SMC4: variants seen among roughly 807,000 people sequenced by gnomAD.
The protein encoded by SMC4 is structural maintenance of chromosomes protein 4.
SMC4 carries 87 observed loss-of-function variants against 145.6 expected under a neutral mutation model. The ratio of observed to expected loss-of-function variants is 0.60; its 90% CI spans 0.50 to 0.71. The LOEUF (loss-of-function observed/expected upper bound fraction) is 0.71. SMC4 is among the 30% of genes least tolerant of loss of function. The pLI is 0.00. For synonymous variants in SMC4, 558 were observed against 500.7 expected (o/e 1.11, Z -1.53); for missense variants, 1,447 against 1,537.1 (o/e 0.94, Z 0.98).
At chr3:160,400,298 G>A (rs1714402508) in intron 1 of SMC4, 1 of 152,470 alleles carries the variant, frequency 6.6e-6, no homozygotes, top group Non-Finnish European at 1.5e-5. Flanking sequence ...AACGGCGCCA[G>A]GAGCTAAAGG....
chr3:160,403,601 C>T (rs1714961662), intron 4 of SMC4, among the ~76,000 whole-genome samples: 1 of 151,960 alleles, frequency 6.6e-6, no homozygotes, highest in Non-Finnish European at 1.5e-5. Flanking sequence ...ACAGAATCAT[C>T]TATTTTAATT....
chr3:160,405,495 C>T (rs988386226), intron 5 of SMC4, among the ~76,000 whole-genome samples: 1 of 151,938 alleles, frequency 6.6e-6, no homozygotes, highest in African/African-American at 2.4e-5. Context: ...CTGGATGTTC[C>T]TAATAACAAA....
chr3:160,402,718 A>G lies in SMC4; in HGVS notation c.361A>G (p.Asn121Asp), dbSNP rs1714839538. ...IIGPNGSGKS[N>D]VIDSMLFVFG... Reference sequence around the variant, plus strand: ...CGGGCCAAATGGCAGTGGCAAATCCAATGTTATTGATTCTATGCTTTTTGT... The same window carrying G: ...CGGGCCAAATGGCAGTGGCAAATCCGATGTTATTGATTCTATGCTTTTTGT... The change falls in exon 4 of 24, where the codon AAT becomes GAT. Residue 121 changes from asparagine to aspartate, a missense_variant. Transcript: ENST00000357388. The G allele has an allele frequency of 1.2e-6, 2 of 1,609,660 alleles. No individual in the cohort carries two copies. Among genetic ancestry groups the G allele is most frequent in the Non-Finnish European group, 1.7e-6 (2 of 1,178,984 alleles).
Position 160,433,836 on chromosome 3 carries a change from G to A in SMC4, c.*27G>A. On this transcript the variant is annotated 3_prime_UTR_variant, in exon 24 of 24. Transcript: ENST00000357388. ...CTTTATGCTGAAGATTCTTCAAGTT[G>A]ATTCAGTGTATTACTGATTTTTTTC... 1 of 1,570,950 alleles carries A rather than the reference G, an allele frequency of 6.4e-7. No homozygotes were observed. The highest frequency in any genetic ancestry group is 1.2e-5 in the South Asian group (1 of 84,714).
intron 8 of SMC4, 28 bp from the exon 9 acceptor site, chr3:160,414,339 A>C: frequency 6.4e-7 from 1 of 1,555,362 alleles, no homozygotes; most frequent in South Asian, 1.1e-5. Flanking sequence ...ATTCAAAATA[A>C]TGACTTACAA....
At chr3:160,407,764 GTAAT>G (rs1559992044) in intron 5 of SMC4, among the ~76,000 whole-genome samples, 2 of 152,052 alleles carry the variant, frequency 1.3e-5, no homozygotes, top group Admixed American at 1.3e-4. Flanking sequence ...AGTTTTTTCA[GTAAT>G]GCCTCAGTTT....
At chr3:160,419,810 A>C (rs1166213657) in intron 12 of SMC4, among the ~76,000 whole-genome samples, 1 of 152,028 alleles carries the variant, frequency 6.6e-6, no homozygotes, top group Admixed American at 6.5e-5. Flanking sequence ...CTTTTTTTTA[A>C]AAGAGAGACT....
chr3:160,417,619 A>G, intron 10 of SMC4, 104 bp from the exon 11 acceptor site: 1 of 922,810 alleles, frequency 1.1e-6, no homozygotes, highest in Non-Finnish European at 1.7e-6. Flanking sequence ...TACTGTGCTT[A>G]TAGAATCTCC....
chr3:160,400,724 G>T (rs1714496288), intron 1 of SMC4, 98 bp from the exon 2 acceptor site: 1 of 1,355,398 alleles, frequency 7.4e-7, no homozygotes, highest in Non-Finnish European at 9.5e-7. Flanking sequence ...TGTTAAGCGG[G>T]GCTCTCGGAA....
chr3:160,420,634 G>A (rs1249009291), intron 12 of SMC4, 106 bp from the exon 13 acceptor site: 1 of 1,142,126 alleles, frequency 8.8e-7, no homozygotes, highest in Non-Finnish European at 1.3e-6. Context: ...TTAAAACCAT[G>A]TCTACATAAA....
chr3:160,413,701 A>G (rs908935537), intron 8 of SMC4, 88 bp downstream of exon 8: 1 of 780,148 alleles, frequency 1.3e-6, no homozygotes, highest in Non-Finnish European at 1.9e-6. Flanking sequence ...GCACATTGTG[A>G]GTGTAAGACA....
intron 17 of SMC4, among the ~76,000 whole-genome samples, chr3:160,428,484 A>G (rs762534993): frequency 3.3e-5 from 5 of 152,220 alleles, no homozygotes; most frequent in Non-Finnish European, 5.9e-5. Flanking sequence ...AAAAAGTTGT[A>G]AAGATATTTT....
chr3:160,410,626 A>G (rs750164338), intron 5 of SMC4, among the ~76,000 whole-genome samples: 2 of 152,242 alleles, frequency 1.3e-5, no homozygotes, highest in African/African-American at 2.4e-5. Flanking sequence ...CATTGTGCTT[A>G]TAGACTGTCA....
intron 20 of SMC4, 80 bp downstream of exon 20, chr3:160,431,285 G>A (rs944749950): frequency 1.6e-6 from 2 of 1,222,982 alleles, no homozygotes; most frequent in South Asian, 1.7e-5. Flanking sequence ...GTTTTAGGGG[G>A]TTGGGGTTCT....
In SMC4 at chr3:160,431,275, G is replaced by A. The variant is rs1368690052; in HGVS notation, c.3114+70G>A. On this transcript the variant is annotated intron_variant, in intron 20 of 23. Transcript: ENST00000357388. ...GAAAAAGGAGGGTTTGGGGAGGATT[G>A]TTTTAGGGGGTTGGGGTTCTTAAAT... 1.4e-5 allele frequency: 18 copies of A among 1,293,084 alleles called. No individual in the cohort carries two copies. In the East Asian group the frequency reaches 4.3e-4, roughly 31 times the overall value. 80.1% of individuals were successfully genotyped at this position (1,293,084 alleles called of 1,614,324 possible).
Position 160,402,883 on chromosome 3 carries a change from T to A in SMC4, c.510+16T>A, listed in dbSNP as rs368567511. 3.3e-6 allele frequency: 5 copies of A among 1,516,226 alleles called. No homozygotes were observed. Among genetic ancestry groups the A allele is most frequent in the Non-Finnish European group, 4.4e-6 (5 of 1,137,694 alleles). 93.9% of individuals were successfully genotyped at this position (1,516,226 alleles called of 1,614,324 possible). On this transcript the variant is annotated intron_variant, in intron 4 of 23. Transcript: ENST00000357388. ...AATTGATAAGGTAAGGGATTTTTAC[T>A]GTTATTGGCAAGTTCAAGTAAGGAA...
chr3:160,424,380 T>C (rs529897148), intron 15 of SMC4, among the ~76,000 whole-genome samples: 3 of 152,346 alleles, frequency 2.0e-5, no homozygotes, highest in African/African-American at 4.8e-5. Flanking sequence ...TGTACCTTCA[T>C]TGAAATAATA....
intron 13 of SMC4, among the ~76,000 whole-genome samples, chr3:160,421,954 A>G (rs1054518034): frequency 6.6e-6 from 1 of 152,204 alleles, no homozygotes; most frequent in Non-Finnish European, 1.5e-5. Flanking sequence ...CTACATATAA[A>G]TGGAATCATA....
intron 5 of SMC4, 86 bp from the exon 6 acceptor site, chr3:160,411,834 T>G (rs1057027050): frequency 3.6e-6 from 4 of 1,106,544 alleles, no homozygotes; most frequent in Admixed American, 2.2e-5. Context: ...ACTCTTGGCT[T>G]TATTATTTAA....
Sources: allele counts gnomAD v4.1 joint callset (sites outside exome capture counted in the v4.1 genomes callset), GRCh38; gene constraint gnomAD v4.1.1; transcripts MANE v1.5; gene names NCBI Gene and HGNC (gene_info 2026-07-23, HGNC 2026-07-21).